ANK2: variants seen among roughly 807,000 people sequenced by gnomAD.
ANK2 encodes the protein ankyrin 2, also known as ankyrin-2.
Under a neutral mutation model 360.5 loss-of-function variants are expected in ANK2, and 83 were observed. That is an observed-to-expected ratio of 0.23 (90% CI 0.19 to 0.28). ANK2 has a LOEUF of 0.28. ANK2 is among the 10% of genes least tolerant of loss of function. The pLI, the probability that ANK2 is intolerant of heterozygous loss-of-function variation, is 1.00. For synonymous variants in ANK2, 1,740 were observed against 1,759.5 expected (o/e 0.99, Z 0.28); for missense variants, 4,201 against 4,795.7 (o/e 0.88, Z 3.66).
intron 7 of ANK2, among the ~76,000 whole-genome samples, chr4:113,239,891 TA>T (rs1005245624): frequency 2.4e-4 from 37 of 152,288 alleles, no homozygotes; most frequent in African/African-American, 8.9e-4. Context: ...GTTTTTTAAT[TA>T]TTTCATCATG....
intron 1 of ANK2, among the ~76,000 whole-genome samples, chr4:113,131,201 T>C (rs2096007960): frequency 6.6e-6 from 1 of 152,228 alleles, no homozygotes; most frequent in African/African-American, 2.4e-5. Flanking sequence ...TGAAGTCTAC[T>C]ACTTCAGGCT....
upstream of ANK2, among the ~76,000 whole-genome samples, chr4:113,047,538 C>T (rs555368132): frequency 1.4e-4 from 21 of 151,848 alleles, no homozygotes; most frequent in South Asian, 8.3e-4. Context: ...TCTAATGGGA[C>T]GAGGTGAGGG....
the ANK2 span, among the ~76,000 whole-genome samples, chr4:112,778,423 C>T: frequency 3.3e-5 from 5 of 152,150 alleles, no homozygotes; most frequent in African/African-American, 4.8e-5. Context: ...CCCCCTGCCT[C>T]GGCCTCCCAA....
At chr4:113,312,569 C>A (rs1280007762) in intron 24 of ANK2, among the ~76,000 whole-genome samples, 1 of 151,742 alleles carries the variant, frequency 6.6e-6, no homozygotes, top group African/African-American at 2.4e-5. Flanking sequence ...TGGGAGAGGG[C>A]ATAAGCTAGT....
chr4:113,160,997 C>G (rs61116369), intron 1 of ANK2, among the ~76,000 whole-genome samples: 2 of 152,296 alleles, frequency 1.3e-5, no homozygotes, highest in South Asian at 4.1e-4. Context: ...TAAAAGACAA[C>G]TAGTAAAGAA....
intron 24 of ANK2, chr4:113,317,445 A>AAAAT (rs1361629450): frequency 4.2e-6 from 2 of 480,822 alleles, no homozygotes; most frequent in African/African-American, 3.9e-5. Flanking sequence ...TTCTGGGAAG[A>AAAAT]AAATGAATCA....
In ANK2 at chr4:112,831,008, C is replaced by T. The variant is rs918096284; in HGVS notation, c.-40+12744C>T. Among the ~76,000 whole-genome samples the T allele has an allele frequency of 3.3e-5, 5 of 152,188 alleles. No individual in the cohort carries two copies. In the East Asian group the frequency reaches 5.8e-4, roughly 18 times the overall value. ...CAGCACTGCTGGCCCACCTGTGCCT[C>T]GCTTGAATTCTCCCTGGGCCTCAGC... On this transcript the variant is annotated intron_variant, in intron 1 of 30. Transcript: ENST00000503271.
At chr4:112,959,399 CT>C (rs1218987714) in intron 2 of ANK2, among the ~76,000 whole-genome samples, 1 of 152,152 alleles carries the variant, frequency 6.6e-6, no homozygotes, top group Admixed American at 6.5e-5. Flanking sequence ...GCAGTGCCTG[CT>C]TTCTTCCTCT....
In ANK2 at chr4:113,359,280, T is replaced by C; in HGVS notation, c.10662T>C (p.Asn3554=). 1 of 1,613,904 alleles carries C rather than the reference T, an allele frequency of 6.2e-7. No individual in the cohort carries two copies. The highest frequency in any genetic ancestry group is 8.5e-7 in the Non-Finnish European group (1 of 1,179,868). Residue 3554 remains asparagine, a synonymous_variant, in exon 38 of 46, where the codon AAT becomes AAC. Transcript: ENST00000357077. ...TGATTGAACGCATCCCTGATGAAAA[T>C]GGCCATGACCATGCTGAAGGTATTT... ...ETLIERIPDE[N]GHDHAEDPQD...
chr4:113,206,134 C>T (rs1156771601), intron 4 of ANK2, among the ~76,000 whole-genome samples: 1 of 151,986 alleles, frequency 6.6e-6, no homozygotes, highest in East Asian at 1.9e-4. Context: ...GCAGAACATG[C>T]AGGTTTGTTA....
Position 113,128,694 on chromosome 4 carries a change from T to A in ANK2, c.85-45722T>A, listed in dbSNP as rs1474660962. On this transcript the variant is annotated intron_variant, in intron 1 of 45. Transcript: ENST00000357077. Reference sequence around the variant, plus strand: ...TTAGTAGAGATGGGGTTTCACCGTATTGGCCAGGCTGGTCTGGAACTCCTG... The same window carrying A: ...TTAGTAGAGATGGGGTTTCACCGTAATGGCCAGGCTGGTCTGGAACTCCTG... 5.3e-5 allele frequency among the ~76,000 whole-genome samples: 8 copies of A among 152,188 alleles called. No homozygotes were observed. In the East Asian group the frequency reaches 1.5e-3, roughly 29 times the overall value.
chr4:112,869,074 CT>C lies in ANK2; in HGVS notation c.-39-35379del, dbSNP rs540007389. On this transcript the variant is annotated intron_variant, in intron 1 of 30. Coordinates refer to the ANK2 transcript ENST00000503271. The stretch of plus-strand genomic sequence containing the variant: ...TTTCTGGGTTCAAGCAACCCTCCCG[CT>C]TAGTTCCCTGGGCAGCTGGAACTAC... Among the ~76,000 whole-genome samples, 145 of 152,230 alleles carry C rather than the reference CT, an allele frequency of 9.5e-4. 2 individuals carry two copies. Among genetic ancestry groups the C allele is most frequent in the South Asian group, 4.4e-3 (21 of 4,822 alleles).
chr4:112,775,746 G>T, the ANK2 span, among the ~76,000 whole-genome samples: 4 of 152,130 alleles, frequency 2.6e-5, no homozygotes, highest in Admixed American at 2.0e-4. Flanking sequence ...CAACCTAGCG[G>T]ACATGAGAAA....
chr4:113,120,860 A>T (rs952472673), intron 1 of ANK2, among the ~76,000 whole-genome samples: 6 of 152,136 alleles, frequency 3.9e-5, no homozygotes, highest in African/African-American at 1.4e-4. Flanking sequence ...CATAAAGTAT[A>T]TATTTAAATA....
In ANK2 at chr4:112,844,073, G is replaced by A. The variant is rs756458042; in HGVS notation, c.-40+25809G>A. On this transcript the variant is annotated intron_variant, in intron 1 of 30. Coordinates refer to the ANK2 transcript ENST00000503271. ...CCTTTGAATGTTTTTCAAGATGTGTGGAAAAATTTACTATTGTGAATAGTA... is the reference window on the plus strand; with the variant it reads ...CCTTTGAATGTTTTTCAAGATGTGTAGAAAAATTTACTATTGTGAATAGTA... Among the ~76,000 whole-genome samples the A allele has an allele frequency of 4.6e-5, 7 of 152,242 alleles. No homozygotes were observed. In the East Asian group the frequency reaches 1.4e-3, roughly 29 times the overall value.
In ANK2 at chr4:113,354,850, G is replaced by C; in HGVS notation, c.6232G>C (p.Glu2078Gln). 1.2e-6 allele frequency: 2 copies of C among 1,614,150 alleles called. No homozygotes were observed. The highest frequency in any genetic ancestry group is 1.7e-6 in the Non-Finnish European group (2 of 1,180,018). ...TGTTTCCTCCATAGGAGTTAAGAAA[G>C]AAGATGCAGCTGGAGGAAAGGAGAA... ...VRVSSIGVKKEDAAGGKEKVL... is the reference protein window; with the variant it reads ...VRVSSIGVKKQDAAGGKEKVL... Residue 2078 changes from glutamate (E) to glutamine (Q), a missense_variant, in exon 38 of 46, where the codon GAA becomes CAA. By Grantham distance (29) the Glu-to-Gln change is conservative. Transcript: ENST00000357077.
the ANK2 span, among the ~76,000 whole-genome samples, chr4:112,804,565 G>A: frequency 8.5e-5 from 13 of 152,202 alleles, no homozygotes; most frequent in Non-Finnish European, 1.5e-4. Flanking sequence ...GCTTGTTATA[G>A]AATGCCAGAA....
chr4:112,790,484 C>CTTTTTTTTTTT, the ANK2 span, among the ~76,000 whole-genome samples: 2 of 113,750 alleles, frequency 1.8e-5, no homozygotes. Flanking sequence ...CTTTTCTTTT[C>CTTTTTTTTTTT]TTTTTTTTTT....
chr4:113,073,388 T>C (rs1468574704), intron 1 of ANK2, among the ~76,000 whole-genome samples: 2 of 152,148 alleles, frequency 1.3e-5, no homozygotes, highest in Non-Finnish European at 2.9e-5. Flanking sequence ...TTTAGACTTC[T>C]ACTAAATAAA....
Sources: gnomAD v4.1 joint callset for allele counts (sites outside exome capture counted in the v4.1 genomes callset) on GRCh38, gnomAD v4.1.1 for gene constraint, MANE v1.5 for transcripts, NCBI Gene and HGNC (gene_info 2026-07-23, HGNC 2026-07-21) for gene names.